Variants in SETBP1 observed in about 807,000 individuals in gnomAD.
SETBP1 encodes SET-binding protein.
A neutral mutation model predicts 101.0 loss-of-function variants in SETBP1; 9 were observed. The ratio of observed to expected loss-of-function variants is 0.09; its 90% CI spans 0.05 to 0.16. The LOEUF is 0.16. Ranked by LOEUF, SETBP1 falls within the 10% of genes least tolerant of loss-of-function variation. The probability of loss-of-function intolerance (pLI) is 1.00; values close to 1 mark genes in which losing one functional copy is unlikely to be tolerated. For synonymous variants in SETBP1, 818 were observed against 788.5 expected, an observed-to-expected ratio of 1.04 and a Z score of -0.63; for missense variants, 1,858 against 2,033.8, an observed-to-expected ratio of 0.91 and a Z score of 1.66.
chr18:45,059,929 C>G (rs1007796451), intron 5 of SETBP1, among the ~76,000 whole-genome samples: 7 of 152,160 alleles, frequency 4.6e-5, no homozygotes, highest in Non-Finnish European at 1.0e-4. Flanking sequence ...ATCTCCTACA[C>G]AGCAGTCACT....
chr18:45,024,005 A>G (rs2073118979), intron 4 of SETBP1, among the ~76,000 whole-genome samples: 1 of 152,236 alleles, frequency 6.6e-6, no homozygotes, highest in African/African-American at 2.4e-5. Context: ...GGCCTTATCC[A>G]CCAGCTGAAA....
chr18:44,873,730 A>G (rs2069331969), intron 3 of SETBP1, among the ~76,000 whole-genome samples: 1 of 152,224 alleles, frequency 6.6e-6, no homozygotes, highest in African/African-American at 2.4e-5. Context: ...TTCAGGTCTT[A>G]AAGGTCTGGA....
Position 44,876,850 on chromosome 18 carries a change from C to T in SETBP1, c.540+7567C>T. 4.9e-6 allele frequency: 7 copies of T among 1,424,786 alleles called. No homozygotes were observed. The South Asian group carries it at 1.0e-4, about 20-fold the overall frequency. 88.3% of individuals were successfully genotyped at this position (1,424,786 alleles called of 1,614,324 possible). On this transcript the variant is annotated intron_variant, in intron 3 of 5. Transcript: ENST00000649279. Reference sequence around the variant, plus strand: ...CCCAAGATTGTAAACTAGTGAGTGACAGCATTTGGGCTTATGATCTTCTCT... The same window carrying T: ...CCCAAGATTGTAAACTAGTGAGTGATAGCATTTGGGCTTATGATCTTCTCT...
At chr18:44,989,883 AAAAAAAAAAAAAAAAAAAAAAAAAT>A (rs1224908507) in intron 4 of SETBP1, among the ~76,000 whole-genome samples, 1 of 126,078 alleles carries the variant, frequency 7.9e-6, no homozygotes, top group South Asian at 2.4e-4. Context: ...AAAAAAAAAA[AAAAAAAAAAAAAAAAAAAAAAAAAT>A]TTATCTAAGT....
At chr18:44,792,284 A>T (rs1326214911) in intron 2 of SETBP1, among the ~76,000 whole-genome samples, 2 of 152,152 alleles carry the variant, frequency 1.3e-5, no homozygotes, top group Non-Finnish European at 2.9e-5. Flanking sequence ...ATATGGGGAA[A>T]GGTCTTTGTG....
At chr18:44,764,391 C>T (rs2070722308) in intron 2 of SETBP1, among the ~76,000 whole-genome samples, 2 of 152,224 alleles carry the variant, frequency 1.3e-5, no homozygotes, top group East Asian at 3.8e-4. Context: ...CTCTCCCCTT[C>T]TAACTACCTC....
At chr18:44,823,254 C>T (rs768692410) in intron 2 of SETBP1, among the ~76,000 whole-genome samples, 16 of 152,196 alleles carry the variant, frequency 1.1e-4, no homozygotes, top group Non-Finnish European at 2.1e-4. Context: ...TGGTTACTTG[C>T]AAGCTTTTAG....
chr18:44,932,426 C>T (rs2070858660), intron 3 of SETBP1, among the ~76,000 whole-genome samples: 1 of 152,128 alleles, frequency 6.6e-6, no homozygotes, highest in South Asian at 2.1e-4. Flanking sequence ...CTTGGAGTTG[C>T]TCTTCTCGAG....
At chr18:45,029,694 G>A (rs1187112052) in intron 4 of SETBP1, among the ~76,000 whole-genome samples, 3 of 152,144 alleles carry the variant, frequency 2.0e-5, no homozygotes, top group African/African-American at 2.4e-5. Flanking sequence ...ATTGAGCAGT[G>A]GTTTGTAGTT....
chr18:45,061,813 G>A (rs1391616985), intron 5 of SETBP1, among the ~76,000 whole-genome samples: 1 of 152,198 alleles, frequency 6.6e-6, no homozygotes, highest in Non-Finnish European at 1.5e-5. Context: ...GTAATAATGG[G>A]AGGAAACAAC....
chr18:44,956,603 TCTC>T (rs1258850667), intron 4 of SETBP1, among the ~76,000 whole-genome samples: 1 of 152,224 alleles, frequency 6.6e-6, no homozygotes, highest in African/African-American at 2.4e-5. Context: ...GAGCTATTCT[TCTC>T]TAAAATAGAT....
At chr18:44,908,804 C>A (rs1374038068) in intron 3 of SETBP1, among the ~76,000 whole-genome samples, 3 of 152,202 alleles carry the variant, frequency 2.0e-5, no homozygotes, top group Non-Finnish European at 4.4e-5. Flanking sequence ...ATTGGTAATT[C>A]ATGTCCTGTA....
intron 2 of SETBP1, among the ~76,000 whole-genome samples, chr18:44,754,817 A>T (rs892575075): frequency 6.6e-6 from 1 of 152,306 alleles, no homozygotes; most frequent in Middle Eastern, 3.4e-3. Flanking sequence ...GGGCTTGATG[A>T]TGAATTCTGT....
At chr18:44,995,529 TTGTGTGTGTGTGTGTGTGTGTG>T (rs60256060) in intron 4 of SETBP1, among the ~76,000 whole-genome samples, 1 of 142,876 alleles carries the variant, frequency 7.0e-6, no homozygotes, top group Non-Finnish European at 1.5e-5. Flanking sequence ...GTCCAGGCTT[TTGTGTGTGTGTGTGTGTGTGTG>T]TGTGTGTGTG....
At chr18:44,752,235 G>A (rs79098947) in intron 2 of SETBP1, among the ~76,000 whole-genome samples, 3,246 of 152,290 alleles carry the variant, frequency 0.021, 46 homozygotes, top group Non-Finnish European at 0.033. Context: ...ACCAATTATA[G>A]AGTGAGACAC....
intron 2 of SETBP1, among the ~76,000 whole-genome samples, chr18:44,803,329 T>C (rs2071648731): frequency 1.3e-5 from 2 of 152,154 alleles, no homozygotes; most frequent in South Asian, 4.1e-4. Context: ...GGGTAGGTAG[T>C]AAAACGTTTC....
chr18:44,830,367 G>A (rs1357586783), intron 2 of SETBP1, among the ~76,000 whole-genome samples: 1 of 152,164 alleles, frequency 6.6e-6, no homozygotes, highest in African/African-American at 2.4e-5. Context: ...ATGTAAGGTG[G>A]TATTTTACTC....
At chr18:44,689,729 G>A (rs1416176398) in intron 1 of SETBP1, among the ~76,000 whole-genome samples, 1 of 152,200 alleles carries the variant, frequency 6.6e-6, no homozygotes, top group Non-Finnish European at 1.5e-5. Context: ...CTTGACAATG[G>A]AATAGTCTTG....
chr18:44,778,044 G>T (rs2071041414), intron 2 of SETBP1, among the ~76,000 whole-genome samples: 1 of 152,118 alleles, frequency 6.6e-6, no homozygotes. Flanking sequence ...ATGGGCTGTG[G>T]GATGGGCTGG....
Sources: gnomAD v4.1 joint callset for allele counts (sites outside exome capture counted in the v4.1 genomes callset) on GRCh38, gnomAD v4.1.1 for gene constraint, MANE v1.5 for transcripts, NCBI Gene and HGNC (gene_info 2026-07-23, HGNC 2026-07-21) for gene names.